Variants in DRC11 observed in about 807,000 individuals in gnomAD.
DRC11 encodes dynein regulatory complex subunit 11.
At chr2:236,332,911 TG>T in the DRC11 span, 6 of 152,108 alleles carry the variant, frequency 3.9e-5, no homozygotes, top group African/African-American at 1.4e-4. The surrounding 1 kb of genome is among the most constrained non-coding windows in gnomAD (Gnocchi z 5.1). Context: ...ATCCAGGGTT[TG>T]GAGATCTGCA....
chr2:236,491,240 T>TATATATACAC, the DRC11 span, among the ~76,000 whole-genome samples: 2 of 52,536 alleles, frequency 3.8e-5, no homozygotes, highest in Non-Finnish European at 7.0e-5. Context: ...TATATATATA[T>TATATATACAC]ACACAGTATA....
chr2:236,493,171 C>CT, the DRC11 span, among the ~76,000 whole-genome samples: 2 of 152,142 alleles, frequency 1.3e-5, no homozygotes, highest in Non-Finnish European at 2.9e-5. Flanking sequence ...GGAAACTCCC[C>CT]TTTATAAAAC....
chr2:236,445,114 T>C, the DRC11 span, among the ~76,000 whole-genome samples: 1 of 152,220 alleles, frequency 6.6e-6, no homozygotes, highest in African/African-American at 2.4e-5. The surrounding 1 kb of genome is among the most constrained non-coding windows in gnomAD (Gnocchi z 4.8). Flanking sequence ...TAACCACTTT[T>C]ACAAGGAACC....
At chr2:236,469,121 T>A in the DRC11 span, among the ~76,000 whole-genome samples, 1 of 152,242 alleles carries the variant, frequency 6.6e-6, no homozygotes, top group Non-Finnish European at 1.5e-5. The surrounding 1 kb of genome is among the most constrained non-coding windows in gnomAD (Gnocchi z 5.8). Context: ...ATTTTCCTGA[T>A]AGCCCCTTGG....
the DRC11 span, among the ~76,000 whole-genome samples, chr2:236,449,149 T>TA: frequency 2.6e-5 from 4 of 152,176 alleles, no homozygotes; most frequent in African/African-American, 9.7e-5. The surrounding 1 kb of genome is among the most constrained non-coding windows in gnomAD (Gnocchi z 5.1). Flanking sequence ...CATGAGCCAC[T>TA]ACACCCACTG....
the DRC11 span, among the ~76,000 whole-genome samples, chr2:236,459,605 A>G: frequency 3.6e-5 from 4 of 111,758 alleles, no homozygotes; most frequent in Non-Finnish European, 4.1e-5. Context: ...GTATACATAT[A>G]TACGTATATA....
At chr2:236,341,159 C>T in the DRC11 span, among the ~76,000 whole-genome samples, 3 of 152,260 alleles carry the variant, frequency 2.0e-5, no homozygotes, top group South Asian at 4.1e-4. Context: ...ACAACCGCCA[C>T]AGCCAGCCCC....
At chr2:236,479,344 A>G in the DRC11 span, among the ~76,000 whole-genome samples, 12 of 152,198 alleles carry the variant, frequency 7.9e-5, no homozygotes, top group Non-Finnish European at 1.6e-4. The surrounding 1 kb of genome is among the most constrained non-coding windows in gnomAD (Gnocchi z 4.1). Flanking sequence ...TTTACATAAA[A>G]TGTTATTTTT....
the DRC11 span, among the ~76,000 whole-genome samples, chr2:236,484,213 T>C: frequency 3.3e-5 from 5 of 152,230 alleles, no homozygotes; most frequent in East Asian, 1.9e-4. Flanking sequence ...CTGACATATA[T>C]ATTTGTTAAG....
chr2:236,358,032 A>C, the DRC11 span, among the ~76,000 whole-genome samples: 1 of 119,388 alleles, frequency 8.4e-6, no homozygotes, highest in Non-Finnish European at 1.6e-5. Context: ...TAATATGAAT[A>C]TATATTTATA....
At chr2:236,397,709 A>G in the DRC11 span, among the ~76,000 whole-genome samples, 1 of 152,226 alleles carries the variant, frequency 6.6e-6, no homozygotes, top group Non-Finnish European at 1.5e-5. This position sits in a 1 kb window ranked among gnomAD's most constrained non-coding sequence, Gnocchi z 5.0. Flanking sequence ...GCAGACACAT[A>G]CCTGATGCCA....
the DRC11 span, among the ~76,000 whole-genome samples, chr2:236,415,753 T>G: frequency 7.2e-5 from 11 of 152,158 alleles, no homozygotes; most frequent in Middle Eastern, 3.2e-3. The surrounding 1 kb of genome is among the most constrained non-coding windows in gnomAD (Gnocchi z 5.7). Flanking sequence ...ATAAAATACT[T>G]TCACCCAACA....
chr2:236,493,534 TATCTCAGTGTCTAAGCTCTTG>T, the DRC11 span, among the ~76,000 whole-genome samples: 4 of 152,228 alleles, frequency 2.6e-5, no homozygotes, highest in African/African-American at 9.6e-5. Context: ...TTAAGTAGCA[TATCTCAGTGTCTAAGCTCTTG>T]ATCTCAGTGT....
At chr2:236,431,510 C>T in the DRC11 span, among the ~76,000 whole-genome samples, 2 of 152,190 alleles carry the variant, frequency 1.3e-5, no homozygotes, top group African/African-American at 4.8e-5. The surrounding 1 kb of genome is among the most constrained non-coding windows in gnomAD (Gnocchi z 4.2). Flanking sequence ...CTAACAGGTC[C>T]ATCCCACAAC....
At chr2:236,335,343 G>A in the DRC11 span, among the ~76,000 whole-genome samples, 1 of 152,328 alleles carries the variant, frequency 6.6e-6, no homozygotes, top group Admixed American at 6.5e-5. This position sits in a 1 kb window ranked among gnomAD's most constrained non-coding sequence, Gnocchi z 5.6. Context: ...GCTGGATGAG[G>A]GGCGATGACG....
chr2:236,372,854 C>A, the DRC11 span, among the ~76,000 whole-genome samples: 2 of 152,104 alleles, frequency 1.3e-5, no homozygotes, highest in African/African-American at 4.8e-5. The surrounding 1 kb of genome is among the most constrained non-coding windows in gnomAD (Gnocchi z 4.5). Flanking sequence ...TCAAGAGATC[C>A]TCCTGCCTCC....
the DRC11 span, among the ~76,000 whole-genome samples, chr2:236,418,322 C>T: frequency 6.6e-6 from 1 of 152,236 alleles, no homozygotes; most frequent in South Asian, 2.1e-4. Flanking sequence ...TCTCTAATGA[C>T]CAGTGATAAT....
chr2:236,507,151 G>C, the DRC11 span: 3 of 1,140,628 alleles, frequency 2.6e-6, no homozygotes, highest in African/African-American at 3.8e-5. Flanking sequence ...AGTTGAGAGG[G>C]GAGGAGAAAA....
chr2:236,341,809 A>G, the DRC11 span, among the ~76,000 whole-genome samples: 3 of 152,176 alleles, frequency 2.0e-5, no homozygotes, highest in African/African-American at 7.2e-5. Context: ...GCATGACCCG[A>G]GAGCAGCTGT....
Sources: allele counts gnomAD v4.1 joint callset (sites outside exome capture counted in the v4.1 genomes callset), GRCh38; gene constraint gnomAD v4.1.1; non-coding constraint Gnocchi (gnomAD v3.1); transcripts MANE v1.5; gene names NCBI Gene and HGNC (gene_info 2026-07-23, HGNC 2026-07-21).